Variants in MIPOL1 observed in about 807,000 individuals in gnomAD.
MIPOL1 encodes mirror-image polydactyly 1, also known as mirror-image polydactyly gene 1 protein.
In MIPOL1, 57 loss-of-function variants were observed where a neutral mutation model predicts 60.9. The observed-to-expected ratio is 0.94, with a 90% confidence interval of 0.76 to 1.17. The LOEUF (loss-of-function observed/expected upper bound fraction) is 1.17. Among genes scored for constraint, MIPOL1 ranks in the 50% most tolerant of loss-of-function variants. The pLI, the probability that MIPOL1 is intolerant of heterozygous loss-of-function variation, is 0.00. For missense variants in MIPOL1, 551 were observed against 511.6 expected, an observed-to-expected ratio of 1.08 and a Z score of -0.74; for synonymous variants, 179 against 168.8, an observed-to-expected ratio of 1.06 and a Z score of -0.47.
At chr14:37,285,564 G>T in intron 7 of MIPOL1, 117 bp downstream of exon 7, 2 of 983,980 alleles carry the variant, frequency 2.0e-6, no homozygotes, top group South Asian at 2.1e-5. Context: ...CTAGGAAATT[G>T]CATGTCTCCA....
At chr14:37,527,900 TTCTCTGTCAGGCTCATAAGATCC>T (rs962168264) in intron 12 of MIPOL1, among the ~76,000 whole-genome samples, 1 of 152,064 alleles carries the variant, frequency 6.6e-6, no homozygotes, top group African/African-American at 2.4e-5. Flanking sequence ...TTGAGCTTAA[TTCTCTGTCAGGCTCATAAGATCC>T]TAAAACCCTT....
At chr14:37,435,666 G>C (rs1440401391) in intron 11 of MIPOL1, among the ~76,000 whole-genome samples, 4 of 152,088 alleles carry the variant, frequency 2.6e-5, no homozygotes, top group South Asian at 2.1e-4. Flanking sequence ...AGGTTGCCTG[G>C]GAAGTGAGAC....
At chr14:37,449,798 A>C (rs1233914252) in intron 11 of MIPOL1, among the ~76,000 whole-genome samples, 1 of 151,638 alleles carries the variant, frequency 6.6e-6, no homozygotes, top group Non-Finnish European at 1.5e-5. Flanking sequence ...TTATTTATTT[A>C]TTTATTTATT....
intron 12 of MIPOL1, among the ~76,000 whole-genome samples, chr14:37,521,911 T>TA (rs1555367648): frequency 0.37 from 44,046 of 117,908 alleles, 7,530 homozygotes; most frequent in African/African-American, 0.51. Context: ...TATATATATA[T>TA]TTTTTTTTTC....
At chr14:37,361,250 T>C (rs1470949289) in intron 9 of MIPOL1, among the ~76,000 whole-genome samples, 2 of 152,222 alleles carry the variant, frequency 1.3e-5, no homozygotes, top group African/African-American at 4.8e-5. Context: ...ATGTCGTCAA[T>C]TTTAGAATAA....
At chr14:37,510,632 A>G (rs1353923237) in intron 12 of MIPOL1, among the ~76,000 whole-genome samples, 6 of 152,062 alleles carry the variant, frequency 3.9e-5, no homozygotes, top group African/African-American at 7.2e-5. Flanking sequence ...TTGTTTCCCC[A>G]TCTCTTCTAA....
chr14:37,345,663 T>C (rs1239765080), intron 9 of MIPOL1, among the ~76,000 whole-genome samples: 2 of 152,160 alleles, frequency 1.3e-5, no homozygotes, highest in Admixed American at 6.6e-5. Context: ...TTCTTTATTT[T>C]CAGTAGGTAA....
intron 9 of MIPOL1, among the ~76,000 whole-genome samples, chr14:37,309,487 A>G (rs1043565778): frequency 1.3e-5 from 2 of 152,064 alleles, no homozygotes; most frequent in Non-Finnish European, 2.9e-5. Flanking sequence ...ATTCCTATGT[A>G]GATAATCCTT....
At chr14:37,218,075 G>C (rs1220219166) in intron 1 of MIPOL1, among the ~76,000 whole-genome samples, 1 of 151,720 alleles carries the variant, frequency 6.6e-6, no homozygotes, top group Admixed American at 6.6e-5. Flanking sequence ...GATTGTTTAA[G>C]GATTTTTCAG....
intron 10 of MIPOL1, among the ~76,000 whole-genome samples, chr14:37,373,454 T>A (rs567964646): frequency 6.6e-6 from 1 of 152,148 alleles, no homozygotes; most frequent in Admixed American, 6.5e-5. Flanking sequence ...AACATGAGGG[T>A]TTGTTACACA....
intron 10 of MIPOL1, among the ~76,000 whole-genome samples, chr14:37,374,544 C>G (rs1859583812): frequency 6.6e-6 from 1 of 152,118 alleles, no homozygotes; most frequent in Admixed American, 6.5e-5. Context: ...TTTAATCCAT[C>G]TTGAGTTAAT....
chr14:37,383,691 C>G (rs2092989095), intron 10 of MIPOL1, among the ~76,000 whole-genome samples: 1 of 151,830 alleles, frequency 6.6e-6, no homozygotes, highest in South Asian at 2.1e-4. Context: ...ACCAAGAAAA[C>G]TTGAGTATTC....
intron 6 of MIPOL1, among the ~76,000 whole-genome samples, chr14:37,284,530 A>T (rs2084387657): frequency 6.6e-6 from 1 of 151,986 alleles, no homozygotes; most frequent in South Asian, 2.1e-4. Flanking sequence ...TTTTTAGTAG[A>T]GACGGGGTTT....
At chr14:37,303,510 A>G (rs2086507066) in intron 7 of MIPOL1, among the ~76,000 whole-genome samples, 1 of 151,564 alleles carries the variant, frequency 6.6e-6, no homozygotes, top group East Asian at 1.9e-4. Flanking sequence ...ATTCTTCCCT[A>G]TTTTTTACCC....
intron 10 of MIPOL1, among the ~76,000 whole-genome samples, chr14:37,406,106 T>A (rs2093583042): frequency 6.6e-6 from 1 of 152,128 alleles, no homozygotes; most frequent in African/African-American, 2.4e-5. Context: ...GATAGACAAT[T>A]ATTATGGTGC....
chr14:37,362,038 A>G (rs976564511), intron 9 of MIPOL1, among the ~76,000 whole-genome samples: 1 of 152,134 alleles, frequency 6.6e-6, no homozygotes, highest in Non-Finnish European at 1.5e-5. Context: ...TGAACACAGC[A>G]CACTGATGGG....
intron 9 of MIPOL1, among the ~76,000 whole-genome samples, chr14:37,322,337 C>T (rs546576227): frequency 6.6e-6 from 1 of 152,090 alleles, no homozygotes; most frequent in South Asian, 2.1e-4. Flanking sequence ...CATGCCCTAT[C>T]CAATCAATTC....
chr14:37,546,964 T>C lies in MIPOL1; in HGVS notation c.1322T>C (p.Val441Ala). Residue 441 changes from valine to alanine, a missense_variant, in exon 13 of 13, where the codon GTG (valine) becomes GCG (alanine). Transcript: ENST00000684589. ...KKVGTGTMRTVI is the reference protein window; with the variant it reads ...KKVGTGTMRTAI ...GTTGGAACCGGGACCATGAGGACAG[T>C]GATCTGATTGAAAAAAAACGACAGT... 6.2e-7 allele frequency: 1 copy of C among 1,612,446 alleles called. No homozygotes were observed. Among genetic ancestry groups the C allele is most frequent in the Non-Finnish European group, 8.5e-7 (1 of 1,178,982 alleles).
At chr14:37,551,337 A>G (rs1421596125), downstream of MIPOL1, 1 of 152,144 alleles carries the variant, frequency 6.6e-6, no homozygotes, top group African/African-American at 2.4e-5. Context: ...AGTGTACTAG[A>G]TATGCACTAT....
Sources: allele counts gnomAD v4.1 joint callset (sites outside exome capture counted in the v4.1 genomes callset), GRCh38; gene constraint gnomAD v4.1.1; transcripts MANE v1.5; gene names NCBI Gene and HGNC (gene_info 2026-07-23, HGNC 2026-07-21).